The following AKAP9 variants were observed in gnomAD, a reference collection of about 807,000 sequenced individuals.
AKAP9 encodes A-kinase anchor protein 9.
A neutral mutation model predicts 488.5 loss-of-function variants in AKAP9; 311 were observed. That is an observed-to-expected ratio of 0.64 (90% CI 0.58 to 0.70). The LOEUF is 0.70. Ranked by LOEUF, AKAP9 falls within the 30% of genes least tolerant of loss-of-function variation. The pLI, the probability that AKAP9 is intolerant of heterozygous loss-of-function variation, is 0.00. For synonymous variants in AKAP9, 1,462 were observed against 1,483.5 expected (o/e 0.99, Z 0.33); for missense variants, 4,215 against 4,374.5 (o/e 0.96, Z 1.03).
chr7:92,108,096 G>A (rs181823084), intron 48 of AKAP9, among the ~76,000 whole-genome samples: 1 of 151,898 alleles, frequency 6.6e-6, no homozygotes, highest in Non-Finnish European at 1.5e-5. Flanking sequence ...GTTTAAATTT[G>A]TAACTGATTT....
intron 1 of AKAP9, among the ~76,000 whole-genome samples, chr7:91,965,268 A>G (rs557442664): frequency 1.3e-5 from 2 of 152,258 alleles, no homozygotes; most frequent in South Asian, 2.1e-4. Context: ...GCTCCCATAT[A>G]TGAGTGAGAA....
intron 39 of AKAP9, among the ~76,000 whole-genome samples, chr7:92,094,554 G>T (rs971519018): frequency 6.6e-6 from 1 of 151,558 alleles, no homozygotes. Flanking sequence ...AAAAAAGAGG[G>T]CCGGGCGCGG....
intron 16 of AKAP9, 71 bp downstream of exon 16, chr7:92,031,675 T>G: frequency 8.5e-7 from 1 of 1,172,152 alleles, no homozygotes; most frequent in Non-Finnish European, 1.3e-6. Flanking sequence ...AGAACATAGA[T>G]TTTATCGATG....
At chr7:92,103,285 G>A (rs1817902505) in intron 46 of AKAP9, among the ~76,000 whole-genome samples, 1 of 151,570 alleles carries the variant, frequency 6.6e-6, no homozygotes, top group South Asian at 2.1e-4. Context: ...AGCTACTTGG[G>A]AGTCTGAGGC....
intron 22 of AKAP9, 104 bp from the exon 23 acceptor site, chr7:92,061,156 A>G (rs1005343298): frequency 3.1e-6 from 4 of 1,301,398 alleles, no homozygotes; most frequent in African/African-American, 2.9e-5. Context: ...ATTCAGTAGT[A>G]TATCTTTATT....
At position 92,082,517 on chromosome 7, in the gene AKAP9, T is replaced by C. The variant is rs375175124; in HGVS notation, c.8020-5T>C. On this transcript the variant is annotated splice_polypyrimidine_tract_variant and splice_region_variant and intron_variant, in intron 31 of 49. Transcript: ENST00000356239. ...TGTGTTTCTTGTGTTTCCGCTGTCA[T>C]TCAGACAACTACTGAGCTATTTCAT... is the stretch of plus-strand genomic sequence containing the variant. 1.7e-5 allele frequency: 27 copies of C among 1,613,368 alleles called. No homozygotes were observed. Among genetic ancestry groups the C allele is most frequent in the Middle Eastern group, 1.6e-4 (1 of 6,078 alleles).
chr7:92,046,266 G>A (rs1160095756), intron 21 of AKAP9, among the ~76,000 whole-genome samples: 1 of 152,164 alleles, frequency 6.6e-6, no homozygotes, highest in African/African-American at 2.4e-5. Flanking sequence ...GAGAAACATA[G>A]GATGTGGACT....
At chr7:92,017,161 G>A (rs1353359857) in intron 12 of AKAP9, 59 bp downstream of exon 12, 3 of 1,301,854 alleles carry the variant, frequency 2.3e-6, no homozygotes, top group East Asian at 2.5e-5. Flanking sequence ...CTGCTTTTTT[G>A]TAAGCTGCTT....
rs757180014 is a variant in AKAP9, at chr7:92,023,037, A to G, written c.4148+28A>G. 12 of 1,596,542 alleles carry G rather than the reference A, an allele frequency of 7.5e-6. No individual in the cohort carries two copies. In the South Asian group the frequency reaches 1.3e-4, roughly 18 times the overall value. On this transcript the variant is annotated intron_variant, in intron 14 of 49. Transcript: ENST00000356239. Reference sequence around the variant, plus strand: ...ATTCATCTGCTTATAGCTTCATTCAACAGTATTTGTAGCTTTGTAACAATT... The same window carrying G: ...ATTCATCTGCTTATAGCTTCATTCAGCAGTATTTGTAGCTTTGTAACAATT...
At chr7:92,102,160 ATTT>A (rs771566661) in intron 45 of AKAP9, among the ~76,000 whole-genome samples, 2 of 137,010 alleles carry the variant, frequency 1.5e-5, no homozygotes, top group Non-Finnish European at 3.1e-5. Context: ...CGTCTCATAA[ATTT>A]AAAAAAAAAA....
chr7:91,941,238 C>A (rs138016531), intron 1 of AKAP9, 91 bp downstream of exon 1: 1 of 1,284,262 alleles, frequency 7.8e-7, no homozygotes. Flanking sequence ...TCGCCGCAGC[C>A]CCAGTGCACT....
chr7:92,060,369 A>G (rs921674939), intron 22 of AKAP9, among the ~76,000 whole-genome samples: 4 of 152,086 alleles, frequency 2.6e-5, no homozygotes, highest in African/African-American at 9.7e-5. Flanking sequence ...TCTTCTTACA[A>G]TTTTTGGACT....
chr7:92,097,776 C>T lies in AKAP9; in HGVS notation c.10589C>T (p.Pro3530Leu). The change falls in exon 42 of 50, where the codon CCC becomes CTC. Residue 3530 changes from proline to leucine, a missense_variant. Around this residue, in one of 5 missense-constraint regions of AKAP9, gnomAD observed 1,476 missense variants for 1,477.4 expected, o/e 1.00. Transcript: ENST00000356239. ...QCVASKLQVL[P>L]QKASERLQFE... is the part of the protein sequence containing the mutation. ...GTAGCTTCAAAACTACAGGTTCTAC[C>T]CCAGAAAGCCTCTGAGAGGTTAGAC... 1 of 1,614,104 alleles carries T rather than the reference C, an allele frequency of 6.2e-7. No individual in the cohort carries two copies. The highest frequency in any genetic ancestry group is 8.5e-7 in the Non-Finnish European group (1 of 1,180,008).
intron 7 of AKAP9, among the ~76,000 whole-genome samples, chr7:91,999,502 T>C (rs1239227488): frequency 3.3e-5 from 5 of 152,256 alleles, no homozygotes; most frequent in African/African-American, 4.8e-5. Flanking sequence ...CCTAAATATT[T>C]CAAGTTCATT....
rs116569939 is a variant in AKAP9, at chr7:91,975,142, G to A, written c.306+1174G>A. Among the ~76,000 whole-genome samples the A allele has an allele frequency of 9.8e-3, 1,484 of 152,192 alleles. 33 individuals carry two copies. The highest frequency in any genetic ancestry group is 0.034 in the African/African-American group (1,412 of 41,526). On this transcript the variant is annotated intron_variant, in intron 2 of 49. Coordinates refer to ENST00000356239, the MANE Select transcript of AKAP9 (RefSeq NM_005751.5). ...CCTGGGAGTACAGGCATGAGCCACC[G>A]TGCTTGGCCTTGTTTTTGTTATTTT...
intron 47 of AKAP9, 79 bp downstream of exon 47, chr7:92,105,842 A>G: frequency 7.7e-7 from 1 of 1,298,688 alleles, no homozygotes; most frequent in Non-Finnish European, 1.1e-6. Context: ...TATGGACCAT[A>G]CTTGTCTGTG....
In AKAP9 at chr7:92,082,560, A is replaced by G. The variant is rs1333075211; in HGVS notation, c.8058A>G (p.Gly2686=). Reference sequence around the variant, plus strand: ...TATTTCATAGCAATGAAGAAAGTGGATTTTTTAATGAACTCGAGGCTCTTA... The same window carrying G: ...TATTTCATAGCAATGAAGAAAGTGGGTTTTTTAATGAACTCGAGGCTCTTA... ...TELFHSNEES[G]FFNELEALRA... is the part of the protein sequence containing the mutation. The change falls in exon 32 of 50, where the codon GGA becomes GGG. Residue 2686 remains glycine (G), a synonymous_variant. Transcript: ENST00000356239. 1 of 1,613,758 alleles carries G rather than the reference A, an allele frequency of 6.2e-7. No individual in the cohort carries two copies. Among genetic ancestry groups the G allele is most frequent in the Non-Finnish European group, 8.5e-7 (1 of 1,179,878 alleles).
chr7:91,979,303 G>A (rs1796099340), intron 2 of AKAP9, among the ~76,000 whole-genome samples: 1 of 152,098 alleles, frequency 6.6e-6, no homozygotes, highest in Non-Finnish European at 1.5e-5. Flanking sequence ...ATCTTACATG[G>A]CAGCAGACAT....
rs546646111 is a variant in AKAP9 at position 92,079,510 on chromosome 7, C to T, written c.7377C>T (p.Ser2459=). Residue 2459 remains serine, a synonymous_variant, in exon 31 of 50, where the codon AGC becomes AGT. Coordinates refer to ENST00000356239, the MANE Select transcript of AKAP9 (RefSeq NM_005751.5). The stretch of plus-strand genomic sequence containing the variant: ...TTAACGTGGCTATAGATCATCTGAG[C>T]AAAGACAAACCTGAACTAGAAGTAG... ...NSVNVAIDHL[S]KDKPELEVVL... 1 of 1,613,886 alleles carries T rather than the reference C, an allele frequency of 6.2e-7. No homozygotes were observed. Among genetic ancestry groups the T allele is most frequent in the South Asian group, 1.1e-5 (1 of 91,084 alleles).
Sources: allele counts gnomAD v4.1 joint callset (sites outside exome capture counted in the v4.1 genomes callset), GRCh38; gene constraint gnomAD v4.1.1; regional missense constraint gnomAD v4.1.1; transcripts MANE v1.5; gene names NCBI Gene and HGNC (gene_info 2026-07-23, HGNC 2026-07-21).